Variants in FNDC3B observed in about 807,000 individuals in gnomAD.
FNDC3B encodes fibronectin type III domain containing 3B.
FNDC3B carries 12 observed loss-of-function variants against 151.5 expected under a neutral mutation model. That is an observed-to-expected ratio of 0.08 (90% CI 0.05 to 0.13). The LOEUF (loss-of-function observed/expected upper bound fraction) is 0.13, where lower values mean the gene tolerates loss of function less well. FNDC3B is among the 10% of genes least tolerant of loss of function. The pLI, the probability that FNDC3B is intolerant of heterozygous loss-of-function variation, is 1.00. For synonymous variants in FNDC3B, 528 were observed against 549.0 expected, an observed-to-expected ratio of 0.96 and a Z score of 0.54; for missense variants, 1,214 against 1,505.3, an observed-to-expected ratio of 0.81 and a Z score of 3.20.
At chr3:172,349,670 T>TTTTCTTTTG (rs1733766603) in intron 21 of FNDC3B, among the ~76,000 whole-genome samples, 1 of 152,142 alleles carries the variant, frequency 6.6e-6, no homozygotes, top group Non-Finnish European at 1.5e-5. Flanking sequence ...TTTTTCTTTT[T>TTTTCTTTTG]TTTGAGATGG....
rs192358748 is a variant in FNDC3B at position 172,089,112 on chromosome 3, T to C, written c.-28-23340T>C. On this transcript the variant is annotated intron_variant, in intron 1 of 25. Coordinates refer to ENST00000415807, the MANE Select transcript of FNDC3B (RefSeq NM_022763.4). ...ATGTCCTGTGAGCTCTCAAAATTCA[T>C]AGTGAGCAACTAATACCCATAGGAC... is the stretch of plus-strand genomic sequence containing the variant. Among the ~76,000 whole-genome samples the C allele has an allele frequency of 5.0e-3, 768 of 152,332 alleles. 3 individuals carry two copies. Among genetic ancestry groups the C allele is most frequent in the African/African-American group, 0.018 (742 of 41,556 alleles).
chr3:172,243,695 G>T (rs9879470), intron 4 of FNDC3B, among the ~76,000 whole-genome samples: 2 of 152,010 alleles, frequency 1.3e-5, no homozygotes, highest in Non-Finnish European at 2.9e-5. Context: ...GTGTCTTCAC[G>T]TGATGTTCCC....
At chr3:172,099,586 C>T (rs566814837) in intron 1 of FNDC3B, among the ~76,000 whole-genome samples, 1 of 152,306 alleles carries the variant, frequency 6.6e-6, no homozygotes, top group South Asian at 2.1e-4. Context: ...GTCTCCACCT[C>T]TCCTGTACTC....
chr3:172,167,351 G>T (rs1490938973), intron 3 of FNDC3B, among the ~76,000 whole-genome samples: 1 of 152,088 alleles, frequency 6.6e-6, no homozygotes, highest in Non-Finnish European at 1.5e-5. Flanking sequence ...AGCCAAGACG[G>T]CACCACTGCG....
chr3:172,166,431 CT>C (rs1723008009), intron 3 of FNDC3B, among the ~76,000 whole-genome samples: 1 of 152,148 alleles, frequency 6.6e-6, no homozygotes, highest in South Asian at 2.1e-4. Flanking sequence ...TGAAATGCTC[CT>C]TACCATTAGC....
At chr3:172,314,657 A>G (rs1731689212) in intron 11 of FNDC3B, among the ~76,000 whole-genome samples, 1 of 152,260 alleles carries the variant, frequency 6.6e-6, no homozygotes, top group Non-Finnish European at 1.5e-5. Context: ...AAGACAGGGC[A>G]TCAAGCCCAG....
chr3:172,061,064 C>G (rs2108471466), intron 1 of FNDC3B, among the ~76,000 whole-genome samples: 1 of 152,256 alleles, frequency 6.6e-6, no homozygotes, highest in Non-Finnish European at 1.5e-5. Context: ...CTCCTGGAAC[C>G]AGCCCTGGGA....
chr3:172,050,691 G>T (rs1716597547), intron 1 of FNDC3B, among the ~76,000 whole-genome samples: 2 of 138,756 alleles, frequency 1.4e-5, no homozygotes, highest in South Asian at 4.8e-4. Context: ...GCCTTTGTGG[G>T]TATATTTTCG....
At chr3:172,322,181 C>T (rs1011067625) in intron 11 of FNDC3B, among the ~76,000 whole-genome samples, 8 of 152,110 alleles carry the variant, frequency 5.3e-5, no homozygotes, top group Non-Finnish European at 1.2e-4. Flanking sequence ...AGAGTTTCAG[C>T]GAGGAGGGCT....
intron 4 of FNDC3B, among the ~76,000 whole-genome samples, chr3:172,245,025 A>G (rs1022896147): frequency 1.3e-5 from 2 of 152,208 alleles, no homozygotes; most frequent in Admixed American, 1.3e-4. Flanking sequence ...ATGCACATGT[A>G]AATAAAAACC....
chr3:172,113,950 C>T (rs1720114840), intron 2 of FNDC3B, among the ~76,000 whole-genome samples: 1 of 152,200 alleles, frequency 6.6e-6, no homozygotes, highest in African/African-American at 2.4e-5. Flanking sequence ...TTCACTTCCA[C>T]TACCACTGCT....
At chr3:172,190,035 G>A (rs1724422539) in intron 3 of FNDC3B, among the ~76,000 whole-genome samples, 1 of 152,150 alleles carries the variant, frequency 6.6e-6, no homozygotes, top group East Asian at 1.9e-4. Flanking sequence ...CACAGAACTA[G>A]CAAGAGCAGG....
intron 19 of FNDC3B, 152 bp from the exon 20 acceptor site, chr3:172,346,175 A>G (rs1441202121): frequency 2.3e-6 from 1 of 429,624 alleles, no homozygotes; most frequent in Non-Finnish European, 4.2e-6. Context: ...TTGAATTGAA[A>G]GTGAAAATCA....
intron 3 of FNDC3B, among the ~76,000 whole-genome samples, chr3:172,213,078 G>A (rs577485676): frequency 2.2e-4 from 34 of 152,148 alleles, no homozygotes; most frequent in Admixed American, 5.9e-4. Flanking sequence ...TCCATGTTAG[G>A]TATCTGTCTG....
At chr3:172,181,706 G>A (rs1182904791) in intron 3 of FNDC3B, among the ~76,000 whole-genome samples, 1 of 151,368 alleles carries the variant, frequency 6.6e-6, no homozygotes, top group Non-Finnish European at 1.5e-5. Context: ...GCACACACCT[G>A]TAGTGCCAGC....
chr3:172,391,160 C>T (rs746720078), intron 25 of FNDC3B, among the ~76,000 whole-genome samples: 5 of 152,192 alleles, frequency 3.3e-5, no homozygotes, highest in Non-Finnish European at 7.3e-5. Context: ...TTAACAGCCT[C>T]TCTGAGCCTT....
chr3:172,095,946 G>T (rs149411763), intron 1 of FNDC3B, among the ~76,000 whole-genome samples: 79 of 152,234 alleles, frequency 5.2e-4, no homozygotes, highest in African/African-American at 1.6e-3. Context: ...TTTAAAATTG[G>T]CTGTAGAGTT....
At chr3:172,062,403 G>A (rs549422908) in intron 1 of FNDC3B, among the ~76,000 whole-genome samples, 5 of 150,404 alleles carry the variant, frequency 3.3e-5, no homozygotes, top group African/African-American at 1.2e-4. Flanking sequence ...CCTCCGCCTC[G>A]CAGGTTCAAG....
chr3:172,289,925 A>T (rs1730234973), intron 7 of FNDC3B, among the ~76,000 whole-genome samples: 1 of 152,220 alleles, frequency 6.6e-6, no homozygotes, highest in Non-Finnish European at 1.5e-5. Flanking sequence ...AGGATAAGAA[A>T]TACTACCTGG....
Sources: allele counts gnomAD v4.1 joint callset (sites outside exome capture counted in the v4.1 genomes callset), GRCh38; gene constraint gnomAD v4.1.1; transcripts MANE v1.5; gene names NCBI Gene and HGNC (gene_info 2026-07-23, HGNC 2026-07-21).